The following CAMK2G variants were observed in gnomAD, a reference collection of about 807,000 sequenced individuals.
The protein encoded by CAMK2G is calcium/calmodulin dependent protein kinase II gamma, also known as calcium/calmodulin-dependent protein kinase type II subunit gamma.
Under a neutral mutation model 88.7 loss-of-function variants are expected in CAMK2G, and 23 were observed. That is an observed-to-expected ratio of 0.26 (90% CI 0.19 to 0.37). The LOEUF is 0.37. CAMK2G is among the 10% of genes least tolerant of loss of function. CAMK2G has a pLI of 1.00. For missense variants in CAMK2G, 476 were observed against 780.8 expected, an observed-to-expected ratio of 0.61 and a Z score of 4.65; for synonymous variants, 263 against 294.8, an observed-to-expected ratio of 0.89 and a Z score of 1.11.
intron 19 of CAMK2G, chr10:73,817,909 C>G: frequency 3.5e-6 from 1 of 284,940 alleles, no homozygotes; most frequent in Admixed American, 4.5e-5. Flanking sequence ...AGCAGCCTCT[C>G]TCACAAGCAT....
At chr10:73,825,991 G>A (rs1156736009) in intron 15 of CAMK2G, among the ~76,000 whole-genome samples, 2 of 152,198 alleles carry the variant, frequency 1.3e-5, no homozygotes, top group Admixed American at 1.3e-4. Context: ...TCAGCTAGAA[G>A]GGCAGTGTTC....
intron 14 of CAMK2G, chr10:73,837,224 T>C (rs1462409992): frequency 5.5e-6 from 3 of 546,448 alleles, no homozygotes; most frequent in African/African-American, 1.9e-5. Flanking sequence ...TCAGCTCTGG[T>C]ATAAACTATG....
chr10:73,849,251 T>C lies in CAMK2G; in HGVS notation c.414+10A>G. On this transcript the variant is annotated intron_variant, in intron 6 of 22. Coordinates refer to ENST00000423381, the MANE Select transcript of CAMK2G (RefSeq NM_001367534.1). Reference sequence around the variant, plus strand: ...ATGAGCAGAGGCACGGAGGGGAGCCTGGGTAGTACCTTCAGGTCCCTGTGG... The same window carrying C: ...ATGAGCAGAGGCACGGAGGGGAGCCCGGGTAGTACCTTCAGGTCCCTGTGG... 5 of 1,611,212 alleles carry C rather than the reference T, an allele frequency of 3.1e-6. No homozygotes were observed. Among genetic ancestry groups the C allele is most frequent in the Admixed American group, 3.3e-5 (2 of 60,000 alleles).
chr10:73,820,589 C>T (rs1302414866), intron 18 of CAMK2G, among the ~76,000 whole-genome samples: 17 of 145,118 alleles, frequency 1.2e-4, no homozygotes, highest in Non-Finnish European at 2.4e-4. Context: ...CTCCACCTCC[C>T]GGGTTCAAGC....
intron 14 of CAMK2G, 57 bp downstream of exon 14, chr10:73,837,411 C>T: frequency 1.4e-6 from 2 of 1,392,628 alleles, no homozygotes; most frequent in South Asian, 1.2e-5. Context: ...GCCAAGAATT[C>T]CCATAGTGAC....
At chr10:73,867,690 T>C (rs1048871125) in intron 2 of CAMK2G, among the ~76,000 whole-genome samples, 2 of 151,980 alleles carry the variant, frequency 1.3e-5, no homozygotes, top group Admixed American at 6.5e-5. Context: ...CAGACGGGAA[T>C]GGGGCCTCAG....
intron 10 of CAMK2G, among the ~76,000 whole-genome samples, chr10:73,846,159 A>C (rs1001645182): frequency 6.6e-6 from 1 of 152,084 alleles, no homozygotes; most frequent in Non-Finnish European, 1.5e-5. Context: ...ATGATTCCCT[A>C]TGTTTTCAGA....
Position 73,817,126 on chromosome 10 carries a change from A to AG in CAMK2G, c.1440-10dup, listed in dbSNP as rs572170949. Reference sequence around the variant, plus strand: ...CTGGATCACAAATCTTCCTACAGGGAGAAAAAAAAAAGCAGCCTATCAGGC... The same window carrying AG: ...CTGGATCACAAATCTTCCTACAGGGAGGAAAAAAAAAAGCAGCCTATCAGGC... On this transcript the variant is annotated splice_polypyrimidine_tract_variant and intron_variant, in intron 20 of 22. Coordinates refer to ENST00000423381, the MANE Select transcript of CAMK2G (RefSeq NM_001367534.1). The AG allele has an allele frequency of 2.5e-5, 40 of 1,589,316 alleles. No homozygotes were observed. Among genetic ancestry groups the AG allele is most frequent in the Non-Finnish European group, 3.4e-5 (40 of 1,171,314 alleles).
chr10:73,864,642 G>GT (rs1393506943), intron 2 of CAMK2G, among the ~76,000 whole-genome samples: 64 of 151,530 alleles, frequency 4.2e-4, no homozygotes, highest in East Asian at 1.9e-3. Flanking sequence ...TCTTTTGTTT[G>GT]TTTTTTTTGC....
Position 73,848,677 on chromosome 10 carries a change from T to C in CAMK2G, c.518-68A>G. ...TCTCTCGTTAAATCCACACCAGCCATTTCCCCCAAGTCCCATCTTATTCCT... is the reference window on the plus strand; with the variant it reads ...TCTCTCGTTAAATCCACACCAGCCACTTCCCCCAAGTCCCATCTTATTCCT... On this transcript the variant is annotated intron_variant, in intron 7 of 22. Coordinates refer to ENST00000423381, the MANE Select transcript of CAMK2G (RefSeq NM_001367534.1). This position sits in a 1 kb window ranked among gnomAD's most constrained non-coding sequence, Gnocchi z 4.5. 1 of 891,320 alleles carries C rather than the reference T, an allele frequency of 1.1e-6. No homozygotes were observed. Among genetic ancestry groups the C allele is most frequent in the Admixed American group, 2.2e-5 (1 of 45,656 alleles). 55.2% of individuals were successfully genotyped at this position (891,320 alleles called of 1,614,324 possible).
In CAMK2G at chr10:73,817,476, T is replaced by TA; in HGVS notation, c.1439+2dup. On this transcript the variant is annotated splice_region_variant and intron_variant, in intron 20 of 22. Coordinates refer to ENST00000423381, the MANE Select transcript of CAMK2G (RefSeq NM_001367534.1). ...TCACAAAAAAAAATGGGTCTCTACT[T>TA]ACGTGTAGGCCTCAAAGTCCCCATT... The TA allele has an allele frequency of 2.5e-6, 4 of 1,597,778 alleles. No individual in the cohort carries two copies. Among genetic ancestry groups the TA allele is most frequent in the South Asian group, 1.1e-5 (1 of 90,770 alleles).
chr10:73,842,674 G>T lies in CAMK2G; in HGVS notation c.820-133C>A. 3.1e-6 allele frequency: 2 copies of T among 646,098 alleles called. No individual in the cohort carries two copies. The highest frequency in any genetic ancestry group is 2.8e-6 in the Non-Finnish European group (1 of 363,526). 40.0% of individuals were successfully genotyped at this position (646,098 alleles called of 1,614,324 possible). On this transcript the variant is annotated intron_variant, in intron 10 of 22. Transcript: ENST00000423381. This position sits in a 1 kb window ranked among gnomAD's most constrained non-coding sequence, Gnocchi z 4.6. ...CAGAGTTGCTCTGAAGATGAAATGA[G>T]GTCACAGATGTGAAAACGCTTTTAG...
At chr10:73,824,166 G>T (rs978981057) in intron 16 of CAMK2G, 82 bp from the exon 17 acceptor site, 2 of 943,506 alleles carry the variant, frequency 2.1e-6, no homozygotes, top group South Asian at 1.3e-5. Flanking sequence ...TGCACCCCAG[G>T]ACCCCCGCAG....
chr10:73,867,238 G>A (rs558807300), intron 2 of CAMK2G, among the ~76,000 whole-genome samples: 3 of 152,342 alleles, frequency 2.0e-5, no homozygotes, highest in Admixed American at 6.5e-5. Flanking sequence ...CAAGGGAAGC[G>A]AGAGGCTCCA....
chr10:73,861,016 C>G, intron 2 of CAMK2G, 127 bp from the exon 3 acceptor site: 1 of 695,164 alleles, frequency 1.4e-6, no homozygotes, highest in Admixed American at 2.3e-5. Context: ...AGTAATGCAG[C>G]AAGTCATGGC....
At chr10:73,867,403 C>T (rs1359085978) in intron 2 of CAMK2G, among the ~76,000 whole-genome samples, 1 of 152,260 alleles carries the variant, frequency 6.6e-6, no homozygotes, top group Non-Finnish European at 1.5e-5. Context: ...TCTCCATGCC[C>T]CCCGGCAGGG....
intron 5 of CAMK2G, among the ~76,000 whole-genome samples, chr10:73,850,980 C>G (rs550370408): frequency 1.4e-4 from 21 of 152,336 alleles, no homozygotes; most frequent in South Asian, 4.1e-4. Context: ...AGTCACCCCC[C>G]CTCAGGGCCC....
chr10:73,874,436 C>T lies in CAMK2G; in HGVS notation c.26G>A (p.Arg9His). Residue 9 changes from arginine to histidine, a missense_variant, in exon 1 of 23, where the codon CGT becomes CAT. Physicochemically the swap from Arg to His is conservative, Grantham distance 29 (BLOSUM62 0). Around this residue, in one of 3 missense-constraint regions of CAMK2G, gnomAD observed 34 missense variants for 28.7 expected, o/e 1.19. Transcript: ENST00000423381. ...GAAGAGCTGGTAGTCGTCGGTGAAA[C>T]GGGTGCAGGTGGCGGTGGTGGCCAT... Reference protein sequence around the residue: MATTATCTRFTDDYQLFEE... With the variant: MATTATCTHFTDDYQLFEE... 1 of 1,520,274 alleles carries T rather than the reference C, an allele frequency of 6.6e-7. No individual in the cohort carries two copies. Among genetic ancestry groups the T allele is most frequent in the South Asian group, 1.2e-5 (1 of 82,880 alleles). The allele number at this position is 1,520,274 out of a possible 1,614,324, so 94.2% of individuals were successfully genotyped here. A position where few individuals can be genotyped will look rare whatever the true frequency, so the allele number is the denominator to read the frequency against.
intron 5 of CAMK2G, among the ~76,000 whole-genome samples, chr10:73,849,713 T>C (rs935633529): frequency 6.6e-6 from 1 of 152,210 alleles, no homozygotes; most frequent in Non-Finnish European, 1.5e-5. Context: ...ACTTTGTTCT[T>C]GGAGAAGAAG....
Sources: gnomAD v4.1 joint callset for allele counts (sites outside exome capture counted in the v4.1 genomes callset) on GRCh38, gnomAD v4.1.1 for gene constraint, gnomAD v4.1.1 regional missense constraint, Gnocchi (gnomAD v3.1) non-coding constraint, MANE v1.5 for transcripts, NCBI Gene and HGNC (gene_info 2026-07-23, HGNC 2026-07-21) for gene names.